Variants in COL24A1 observed in about 807,000 individuals in gnomAD.
COL24A1 encodes collagen alpha-1(XXIV) chain.
COL24A1 carries 224 observed loss-of-function variants against 253.9 expected under a neutral mutation model. That is an observed-to-expected ratio of 0.88 (90% CI 0.79 to 0.99). The LOEUF is 0.99. COL24A1 is among the 50% of genes least tolerant of loss of function. The probability of loss-of-function intolerance (pLI) is 0.00; values close to 1 mark genes in which losing one functional copy is unlikely to be tolerated. For missense variants in COL24A1, 2,131 were observed against 2,068.5 expected, an observed-to-expected ratio of 1.03 and a Z score of -0.59; for synonymous variants, 685 against 673.7, an observed-to-expected ratio of 1.02 and a Z score of -0.26.
At chr1:86,019,789 T>C (rs900606832) in intron 18 of COL24A1, among the ~76,000 whole-genome samples, 50 of 152,064 alleles carry the variant, frequency 3.3e-4, no homozygotes, top group African/African-American at 1.2e-3. Flanking sequence ...CAGAAAGGTG[T>C]AAAATGAGTA....
intron 35 of COL24A1, among the ~76,000 whole-genome samples, chr1:85,869,105 T>C (rs755259164): frequency 6.6e-5 from 10 of 152,136 alleles, no homozygotes; most frequent in Non-Finnish European, 1.0e-4. Flanking sequence ...TAAAGTAATA[T>C]ATATCCATTT....
At chr1:85,847,601 G>C in intron 39 of COL24A1, 64 bp downstream of exon 39, 1 of 1,129,526 alleles carries the variant, frequency 8.9e-7, no homozygotes, top group African/African-American at 1.5e-5. Context: ...GAAACTTTAA[G>C]GGCATGGATA....
At position 86,139,068 on chromosome 1, in the gene COL24A1, T is replaced by C. The variant is rs911003282; in HGVS notation, c.121+7051A>G. On this transcript the variant is annotated intron_variant, in intron 2 of 59. Transcript: ENST00000370571. Reference sequence around the variant, plus strand: ...AAGCTTACAAAGCTGACATACTATATAAACACAGACAGCCCAAACTTACTT... The same window carrying C: ...AAGCTTACAAAGCTGACATACTATACAAACACAGACAGCCCAAACTTACTT... Among the ~76,000 whole-genome samples, 5 of 151,102 alleles carry C rather than the reference T, an allele frequency of 3.3e-5. No homozygotes were observed. In the South Asian group the frequency reaches 1.1e-3, roughly 32 times the overall value.
At chr1:85,935,168 T>TCAGGACTACTC (rs1553233704) in intron 24 of COL24A1, among the ~76,000 whole-genome samples, 1 of 148,924 alleles carries the variant, frequency 6.7e-6, no homozygotes, top group Non-Finnish European at 1.5e-5. Context: ...TGTTTGAAAC[T>TCAGGACTACTC]AAAAAATTTT....
Position 85,783,550 on chromosome 1 carries a change from T to C in COL24A1, c.4230A>G (p.Glu1410=). 1 of 1,613,290 alleles carries C rather than the reference T, an allele frequency of 6.2e-7. No individual in the cohort carries two copies. The highest frequency in any genetic ancestry group is 8.5e-7 in the Non-Finnish European group (1 of 1,179,416). Residue 1410 remains glutamate (E), a synonymous_variant, in exon 51 of 60, where the codon GAA becomes GAG. Coordinates refer to ENST00000370571, the MANE Select transcript of COL24A1 (RefSeq NM_152890.7). ...FQGFPGPKGP[E]GDAGIVGISG... ...ATATCCCAACAATGCCAGCATCCCCTTCAGGACCCTAGACATACAATAAGA... is the reference window on the plus strand; with the variant it reads ...ATATCCCAACAATGCCAGCATCCCCCTCAGGACCCTAGACATACAATAAGA...
chr1:85,985,313 G>C (rs180844633), intron 20 of COL24A1, among the ~76,000 whole-genome samples: 64 of 151,852 alleles, frequency 4.2e-4, no homozygotes, highest in African/African-American at 1.4e-3. Context: ...ATTTGAGTAA[G>C]TATGGCATGG....
intron 19 of COL24A1, among the ~76,000 whole-genome samples, chr1:85,997,581 G>A (rs1282122207): frequency 4.6e-5 from 7 of 151,942 alleles, no homozygotes; most frequent in East Asian, 3.9e-4. Context: ...TCAGGAGTTC[G>A]AGACCATCCT....
At position 86,129,698 on chromosome 1, in the gene COL24A1, T is replaced by C. The variant is rs1648862123; in HGVS notation, c.122-3484A>G. Among the ~76,000 whole-genome samples, 3 of 151,972 alleles carry C rather than the reference T, an allele frequency of 2.0e-5. No individual in the cohort carries two copies. The South Asian group carries it at 6.2e-4, about 31-fold the overall frequency. On this transcript the variant is annotated intron_variant, in intron 2 of 59. Transcript: ENST00000370571. ...TTTTAAATTTTCAGTTAGGAAGGTC[T>C]TTTTGTTTTCTGATTTTGTTATTAA... is the stretch of plus-strand genomic sequence containing the variant.
chr1:85,761,353 A>G (rs1257950048), intron 55 of COL24A1, 43 bp downstream of exon 55: 3 of 1,606,692 alleles, frequency 1.9e-6, no homozygotes, highest in Non-Finnish European at 2.6e-6. Flanking sequence ...TTAATATGAC[A>G]TACTAAGATA....
chr1:85,868,837 T>G lies in COL24A1; in HGVS notation c.3139-2A>C. 1.9e-6 allele frequency: 3 copies of G among 1,583,650 alleles called. No individual in the cohort carries two copies. The highest frequency in any genetic ancestry group is 2.6e-6 in the Non-Finnish European group (3 of 1,166,456). ...TTCTCCAGGAGCTCCTGGTTCACCC[T>G]ATTTTGTAGCAGAAAGAGTATGATT... On this transcript the variant is annotated splice_acceptor_variant, in intron 35 of 59. Coordinates refer to ENST00000370571, the MANE Select transcript of COL24A1 (RefSeq NM_152890.7). LOFTEE classifies it high-confidence loss of function.
chr1:85,924,599 G>C (rs1017921607), intron 24 of COL24A1, among the ~76,000 whole-genome samples: 2 of 152,068 alleles, frequency 1.3e-5, no homozygotes, highest in East Asian at 3.9e-4. Context: ...ATGCAGAAAA[G>C]GCCTTTGACA....
chr1:85,990,460 C>T (rs536276297), intron 19 of COL24A1, among the ~76,000 whole-genome samples: 45 of 152,278 alleles, frequency 3.0e-4, no homozygotes, highest in African/African-American at 1.0e-3. Context: ...CAACAGGGTT[C>T]GTGCTCCTAT....
chr1:85,995,345 C>A (rs1235021745), intron 19 of COL24A1, among the ~76,000 whole-genome samples: 1 of 151,950 alleles, frequency 6.6e-6, no homozygotes, highest in Non-Finnish European at 1.5e-5. Flanking sequence ...TTCAGACTCC[C>A]AAGTAGCTAA....
At chr1:85,776,733 A>C (rs1000002364) in intron 52 of COL24A1, among the ~76,000 whole-genome samples, 15 of 151,930 alleles carry the variant, frequency 9.9e-5, no homozygotes, top group Non-Finnish European at 1.5e-4. Context: ...ATTTTTGTTA[A>C]AGACTGTCTT....
At chr1:86,149,730 A>T (rs1432236738) in intron 1 of COL24A1, among the ~76,000 whole-genome samples, 1 of 152,166 alleles carries the variant, frequency 6.6e-6, no homozygotes, top group East Asian at 1.9e-4. Flanking sequence ...ATGGAAATAA[A>T]CATGTTAACA....
intron 19 of COL24A1, among the ~76,000 whole-genome samples, chr1:86,009,675 T>C (rs770170943): frequency 1.3e-5 from 2 of 152,174 alleles, no homozygotes; most frequent in Non-Finnish European, 2.9e-5. Context: ...CTGAGTGAGT[T>C]AGTAAGTCAG....
chr1:86,042,311 T>C (rs541453138), intron 12 of COL24A1, among the ~76,000 whole-genome samples: 44 of 152,268 alleles, frequency 2.9e-4, no homozygotes, highest in Non-Finnish European at 4.7e-4. Flanking sequence ...TCTTTGGTTC[T>C]AAAATATACC....
chr1:85,733,816 G>A (rs1423930757), intron 59 of COL24A1, among the ~76,000 whole-genome samples: 1 of 151,426 alleles, frequency 6.6e-6, no homozygotes, highest in African/African-American at 2.4e-5. Flanking sequence ...CTGGCCTCAA[G>A]TGAACCACCC....
chr1:85,816,419 A>G (rs1394997740), intron 47 of COL24A1, among the ~76,000 whole-genome samples: 1 of 152,206 alleles, frequency 6.6e-6, no homozygotes, highest in Non-Finnish European at 1.5e-5. Context: ...CACAGAACCT[A>G]CCTTGAGTTA....
Sources: allele counts gnomAD v4.1 joint callset (sites outside exome capture counted in the v4.1 genomes callset), GRCh38; gene constraint gnomAD v4.1.1; transcripts MANE v1.5; gene names NCBI Gene and HGNC (gene_info 2026-07-23, HGNC 2026-07-21).